The following TENM1 variants were observed in gnomAD, a reference collection of about 807,000 sequenced individuals.
The protein encoded by TENM1 is teneurin transmembrane protein 1.
A neutral mutation model predicts 174.8 loss-of-function variants in TENM1; 35 were observed. That is an observed-to-expected ratio of 0.20 (90% CI 0.15 to 0.27). TENM1 has a LOEUF of 0.27. Among genes scored for constraint, TENM1 ranks in the 10% least tolerant of loss-of-function variants. TENM1 has a pLI of 1.00. For synonymous variants in TENM1, 781 were observed against 798.7 expected (o/e 0.98, Z 0.37); for missense variants, 1,633 against 2,130.1 (o/e 0.77, Z 4.59).
At chrX:125,177,072 A>C in the TENM1 span, among the ~76,000 whole-genome samples, 1 of 111,714 alleles carries the variant, frequency 9.0e-6, no homozygotes, top group Non-Finnish European at 1.9e-5. Flanking sequence ...AAGGCATTGA[A>C]AATTTGTATT....
At chrX:124,711,402 GAAAC>G (rs1244565176) in intron 4 of TENM1, among the ~76,000 whole-genome samples, 2 of 111,830 alleles carry the variant, frequency 1.8e-5, no homozygotes, top group African/African-American at 6.5e-5. Context: ...AATTCTATAG[GAAAC>G]AGACAGAAAT....
chrX:124,597,659 C>G (rs2049929630), intron 11 of TENM1, among the ~76,000 whole-genome samples: 1 of 110,595 alleles, frequency 9.0e-6, no homozygotes, highest in Non-Finnish European at 1.9e-5. Context: ...TAACCAAACA[C>G]CACCTCCTCC....
chrX:124,592,761 T>G (rs2049789643), intron 11 of TENM1, among the ~76,000 whole-genome samples: 1 of 108,897 alleles, frequency 9.2e-6, no homozygotes, highest in Non-Finnish European at 1.9e-5. Flanking sequence ...TTACTGTTTT[T>G]TTTTTTTTTT....
At chrX:125,140,128 AAC>A in the TENM1 span, among the ~76,000 whole-genome samples, 1 of 111,775 alleles carries the variant, frequency 8.9e-6, no homozygotes, top group Non-Finnish European at 1.9e-5. Context: ...TTGTACATGT[AAC>A]ACAATTTCAG....
At chrX:124,789,038 C>T (rs1226152472) in intron 3 of TENM1, among the ~76,000 whole-genome samples, 1 of 112,349 alleles carries the variant, frequency 8.9e-6, no homozygotes, top group African/African-American at 3.2e-5. Flanking sequence ...TTCCATACAT[C>T]TTCTGAAATC....
chrX:124,491,604 G>A lies in TENM1; in HGVS notation c.3696-4375C>T, dbSNP rs774221970. 3.6e-5 allele frequency among the ~76,000 whole-genome samples: 4 copies of A among 110,438 alleles called. No individual in the cohort carries two copies. In the East Asian group the frequency reaches 1.1e-3, roughly 31 times the overall value. On this transcript the variant is annotated intron_variant, in intron 20 of 31. Transcript: ENST00000422452. Reference sequence around the variant, plus strand: ...AAATCTGCAGGAAACAGGCAAAGGGGTACTATATACTTAAATAATAAGAAA... The same window carrying A: ...AAATCTGCAGGAAACAGGCAAAGGGATACTATATACTTAAATAATAAGAAA...
chrX:125,170,528 C>T, the TENM1 span, among the ~76,000 whole-genome samples: 1 of 111,209 alleles, frequency 9.0e-6, no homozygotes, highest in Non-Finnish European at 1.9e-5. Flanking sequence ...TCTCACCATT[C>T]CTAATACACA....
At chrX:124,423,652 G>T (rs201603030) in intron 23 of TENM1, among the ~76,000 whole-genome samples, 1 of 110,889 alleles carries the variant, frequency 9.0e-6, no homozygotes, top group Admixed American at 9.6e-5. Flanking sequence ...GGAAGTTGAG[G>T]GGGGAGGGGC....
intron 6 of TENM1, among the ~76,000 whole-genome samples, chrX:124,666,537 C>T (rs986943338): frequency 9.0e-5 from 10 of 111,537 alleles, no homozygotes; most frequent in African/African-American, 3.3e-4. Flanking sequence ...CAAACAAACA[C>T]ATACAAAACA....
At chrX:124,744,812 C>G (rs1040750660) in intron 3 of TENM1, among the ~76,000 whole-genome samples, 5 of 111,381 alleles carry the variant, frequency 4.5e-5, no homozygotes, top group African/African-American at 1.6e-4. Context: ...ATAAAGTTTT[C>G]ATTTTCAGGG....
chrX:124,588,650 A>T (rs950772371), intron 11 of TENM1, among the ~76,000 whole-genome samples: 14 of 110,648 alleles, frequency 1.3e-4, no homozygotes, highest in Non-Finnish European at 2.3e-4. Flanking sequence ...TATGTAACTA[A>T]CCTGCACATT....
intron 1 of TENM1, among the ~76,000 whole-genome samples, chrX:124,911,051 G>T (rs1411026180): frequency 9.1e-6 from 1 of 110,053 alleles, no homozygotes; most frequent in Non-Finnish European, 1.9e-5. Context: ...AAGTAGCTGG[G>T]ACTACAGGTG....
intron 31 of TENM1, 143 bp downstream of exon 34, chrX:124,382,527 A>G: frequency 2.8e-4 from 106 of 372,502 alleles, no homozygotes; most frequent in Non-Finnish European, 4.1e-4. Context: ...CTTTTTTTAT[A>G]CCTTCTCATT....
chrX:124,732,918 C>G (rs902608865), intron 4 of TENM1, among the ~76,000 whole-genome samples: 3 of 111,768 alleles, frequency 2.7e-5, no homozygotes, highest in Non-Finnish European at 5.6e-5. Context: ...CAGAGTTTCC[C>G]GCGTTCCCGG....
the TENM1 span, among the ~76,000 whole-genome samples, chrX:125,152,592 T>C: frequency 8.9e-6 from 1 of 111,874 alleles, no homozygotes; most frequent in African/African-American, 3.3e-5. Context: ...AGGAACCAGA[T>C]TTTCCTAAAT....
chrX:124,615,743 G>A (rs1416081051), intron 11 of TENM1, among the ~76,000 whole-genome samples: 2 of 111,459 alleles, frequency 1.8e-5, no homozygotes, highest in Non-Finnish European at 3.8e-5. Context: ...GCTACTTGAT[G>A]ACTTTTGGAT....
intron 1 of TENM1, among the ~76,000 whole-genome samples, chrX:124,907,300 A>G (rs2057763684): frequency 8.9e-6 from 1 of 112,294 alleles, no homozygotes; most frequent in Non-Finnish European, 1.9e-5. Context: ...CTCCAGGGGA[A>G]TCCGAAGGGC....
At chrX:125,027,464 T>C in the TENM1 span, among the ~76,000 whole-genome samples, 67 of 111,839 alleles carry the variant, frequency 6.0e-4, no homozygotes, top group South Asian at 1.1e-3. Context: ...CTGAACTTCA[T>C]GAAAATATGA....
At chrX:124,786,506 G>A (rs2055039571) in intron 3 of TENM1, among the ~76,000 whole-genome samples, 1 of 111,824 alleles carries the variant, frequency 8.9e-6, no homozygotes, top group Non-Finnish European at 1.9e-5. Context: ...AAAGGATTTA[G>A]TGGTCCATCA....
Sources: allele counts gnomAD v4.1 joint callset (sites outside exome capture counted in the v4.1 genomes callset), GRCh38; gene constraint gnomAD v4.1.1; transcripts MANE v1.5; gene names NCBI Gene and HGNC (gene_info 2026-07-23, HGNC 2026-07-21).